The following ZNF469 variants were observed in gnomAD, a reference collection of about 807,000 sequenced individuals.
ZNF469 encodes the protein zinc finger protein 469.
In ZNF469, 1 loss-of-function variant was observed where a neutral mutation model predicts 1.0. The observed-to-expected ratio is 1.00, with a 90% CI of 0.35 to 4.73. The LOEUF is 4.73. ZNF469 is among the 30% of genes most tolerant of loss of function. The pLI, the probability that ZNF469 is intolerant of heterozygous loss-of-function variation, is 0.16. For synonymous variants in ZNF469, 2,703 were observed against 2,363.4 expected, an observed-to-expected ratio of 1.14 and a Z score of -4.17; for missense variants, 6,100 against 5,356.3, an observed-to-expected ratio of 1.14 and a Z score of -4.33.
the ZNF469 span, among the ~76,000 whole-genome samples, chr16:88,329,961 C>G: frequency 6.6e-6 from 1 of 152,252 alleles, no homozygotes. Context: ...TAGTCTGATG[C>G]ACTCTGGGCA....
chr16:88,186,208 G>A, the ZNF469 span, among the ~76,000 whole-genome samples: 7 of 152,230 alleles, frequency 4.6e-5, no homozygotes, highest in Non-Finnish European at 8.8e-5. Context: ...CTTCCGGGAG[G>A]CCAAGTTTCC....
the ZNF469 span, among the ~76,000 whole-genome samples, chr16:88,156,164 G>C: frequency 6.6e-6 from 1 of 152,160 alleles, no homozygotes; most frequent in Non-Finnish European, 1.5e-5. Flanking sequence ...TATCAGATGT[G>C]TGATTTGCAA....
At chr16:88,410,381 G>A (rs1178440587) in intron 1 of ZNF469, among the ~76,000 whole-genome samples, 1 of 151,660 alleles carries the variant, frequency 6.6e-6, no homozygotes, top group Admixed American at 6.6e-5. Flanking sequence ...ACAGTTTACG[G>A]TGACGTCTAT....
At chr16:88,227,534 C>T in the ZNF469 span, among the ~76,000 whole-genome samples, 1 of 139,422 alleles carries the variant, frequency 7.2e-6, no homozygotes, top group African/African-American at 2.9e-5. Flanking sequence ...CTCCCCATCT[C>T]CCCGTCTCCC....
chr16:88,313,301 T>C, the ZNF469 span, among the ~76,000 whole-genome samples: 1 of 152,260 alleles, frequency 6.6e-6, no homozygotes, highest in Non-Finnish European at 1.5e-5. Flanking sequence ...TGAACTCTGT[T>C]CATTTTCCAG....
the ZNF469 span, among the ~76,000 whole-genome samples, chr16:88,180,897 G>GA: frequency 6.6e-6 from 1 of 152,168 alleles, no homozygotes; most frequent in Non-Finnish European, 1.5e-5. Flanking sequence ...AGAAGAAATA[G>GA]AAAAATCCCT....
At chr16:88,296,511 A>C in the ZNF469 span, among the ~76,000 whole-genome samples, 1 of 145,840 alleles carries the variant, frequency 6.9e-6, no homozygotes, top group Non-Finnish European at 1.5e-5. Context: ...AGACAAGCTC[A>C]CCCTCCCCAC....
At position 88,429,441 on chromosome 16, in the gene ZNF469, C is replaced by T; in HGVS notation, c.1971C>T (p.Leu657=). The stretch of plus-strand genomic sequence containing the variant: ...CGTCCCCGGAGCCCCCCCACTCCCT[C>T]CCCACCCACTACCAGCCAGAGCCAG... The part of the protein sequence containing the change: ...PFPSPEPPHS[L]PTHYQPEPAK... Residue 657 remains leucine (L), a synonymous_variant, in exon 3 of 3, where the codon CTC becomes CTT. Coordinates refer to ENST00000565624, the MANE Select transcript of ZNF469 (RefSeq NM_001367624.2). 2 of 1,503,426 alleles carry T rather than the reference C, an allele frequency of 1.3e-6. No individual in the cohort carries two copies. Among genetic ancestry groups the T allele is most frequent in the Non-Finnish European group, 9.1e-7 (1 of 1,104,414 alleles). The allele number at this position is 1,503,426 out of a possible 1,614,324, so 93.1% of individuals were successfully genotyped here. A position where few individuals can be genotyped will look rare whatever the true frequency, so the allele number is the denominator to read the frequency against.
At chr16:88,132,985 G>T in the ZNF469 span, among the ~76,000 whole-genome samples, 19 of 152,356 alleles carry the variant, frequency 1.2e-4, no homozygotes, top group Non-Finnish European at 2.6e-4. Context: ...GTAGGCACAG[G>T]TGCGGTGGGC....
chr16:88,120,495 T>C, the ZNF469 span, among the ~76,000 whole-genome samples: 148,220 of 152,350 alleles, frequency 0.97, 72,136 homozygotes, highest in East Asian at 1. Flanking sequence ...AGGACGTGGG[T>C]GGTGTTACTG....
At chr16:88,395,676 A>G (rs1229492078) in intron 1 of ZNF469, among the ~76,000 whole-genome samples, 1 of 152,128 alleles carries the variant, frequency 6.6e-6, no homozygotes, top group Non-Finnish European at 1.5e-5. Flanking sequence ...TCAGAGGCTA[A>G]ATGCCTCACT....
the ZNF469 span, among the ~76,000 whole-genome samples, chr16:88,208,691 C>T: frequency 6.7e-6 from 1 of 149,280 alleles, no homozygotes. Flanking sequence ...GGGAAGGAAG[C>T]ACGCACAGAT....
intron 1 of ZNF469, among the ~76,000 whole-genome samples, chr16:88,408,213 C>T (rs1331748063): frequency 6.6e-6 from 1 of 152,196 alleles, no homozygotes; most frequent in African/African-American, 2.4e-5. Context: ...AGTGCAATGG[C>T]GTGATCTCAG....
At chr16:88,413,371 G>A (rs1391392162) in intron 1 of ZNF469, among the ~76,000 whole-genome samples, 1 of 152,168 alleles carries the variant, frequency 6.6e-6, no homozygotes, top group South Asian at 2.1e-4. Flanking sequence ...GGCCCTGGAG[G>A]TGGCAGGAGG....
At chr16:88,226,084 T>A in the ZNF469 span, among the ~76,000 whole-genome samples, 3 of 152,094 alleles carry the variant, frequency 2.0e-5, no homozygotes, top group East Asian at 3.9e-4. Flanking sequence ...GGGGCCTTGG[T>A]CCATGGTCAC....
the ZNF469 span, among the ~76,000 whole-genome samples, chr16:88,277,508 G>T: frequency 1.0e-3 from 28 of 26,778 alleles, no homozygotes; most frequent in East Asian, 2.4e-3. Flanking sequence ...GGTCAGTACC[G>T]TGTAGATATC....
chr16:88,156,985 C>T, the ZNF469 span, among the ~76,000 whole-genome samples: 2 of 152,192 alleles, frequency 1.3e-5, no homozygotes, highest in African/African-American at 4.8e-5. Context: ...AACAAAGCCT[C>T]GAAGAAAACA....
intron 1 of ZNF469, among the ~76,000 whole-genome samples, chr16:88,398,502 T>C (rs960595215): frequency 1.6e-4 from 24 of 147,028 alleles, no homozygotes; most frequent in African/African-American, 5.6e-4. Flanking sequence ...ATGTGAGCCA[T>C]GGACAAGAGG....
chr16:88,140,923 ACT>A, the ZNF469 span, among the ~76,000 whole-genome samples: 10 of 151,964 alleles, frequency 6.6e-5, no homozygotes, highest in African/African-American at 2.4e-4. Context: ...ACAGAAGGAG[ACT>A]CTGTCTCAAA....
Sources: gnomAD v4.1 joint callset for allele counts (sites outside exome capture counted in the v4.1 genomes callset) on GRCh38, gnomAD v4.1.1 for gene constraint, MANE v1.5 for transcripts, NCBI Gene and HGNC (gene_info 2026-07-23, HGNC 2026-07-21) for gene names.